STARD13: variants seen among roughly 807,000 people sequenced by gnomAD.
The protein encoded by STARD13 is StAR related lipid transfer domain containing 13, also known as stAR-related lipid transfer protein 13.
In STARD13, 62 loss-of-function variants were observed where a neutral mutation model predicts 106.4. The ratio of observed to expected loss-of-function variants is 0.58; its 90% CI spans 0.48 to 0.72. STARD13 has a LOEUF of 0.72. Ranked by LOEUF, STARD13 falls within the 30% of genes least tolerant of loss-of-function variation. The pLI, the probability that STARD13 is intolerant of heterozygous loss-of-function variation, is 0.00. For missense variants in STARD13, 1,387 were observed against 1,424.0 expected, an observed-to-expected ratio of 0.97 and a Z score of 0.42; for synonymous variants, 565 against 553.0, an observed-to-expected ratio of 1.02 and a Z score of -0.31.
At chr13:33,176,405 T>C (rs1298416011) in intron 1 of STARD13, among the ~76,000 whole-genome samples, 1 of 152,212 alleles carries the variant, frequency 6.6e-6, no homozygotes, top group African/African-American at 2.4e-5. Context: ...ATGAATGATT[T>C]TCTAAACATG....
intron 7 of STARD13, among the ~76,000 whole-genome samples, chr13:33,118,898 C>G (rs920621861): frequency 2.0e-5 from 3 of 152,078 alleles, no homozygotes; most frequent in African/African-American, 7.2e-5. Flanking sequence ...TACTTTTCTA[C>G]CTGTTTGTTT....
At chr13:33,553,106 G>A in the STARD13 span, among the ~76,000 whole-genome samples, 1 of 152,006 alleles carries the variant, frequency 6.6e-6, no homozygotes, top group Non-Finnish European at 1.5e-5. Context: ...TTTTGAAATG[G>A]ATAATTCAAT....
At chr13:33,287,083 A>G (rs1373331634), upstream of STARD13, among the ~76,000 whole-genome samples, 1 of 152,234 alleles carries the variant, frequency 6.6e-6, no homozygotes, top group East Asian at 1.9e-4. Flanking sequence ...GTATATGACC[A>G]AGTTGCTTCT....
At chr13:33,390,624 A>C in the STARD13 span, among the ~76,000 whole-genome samples, 1 of 152,168 alleles carries the variant, frequency 6.6e-6, no homozygotes, top group Non-Finnish European at 1.5e-5. Flanking sequence ...CAGGACACAC[A>C]CTTTGTGTCA....
the STARD13 span, among the ~76,000 whole-genome samples, chr13:33,470,088 CCT>C: frequency 1.3e-5 from 2 of 152,048 alleles, no homozygotes; most frequent in Non-Finnish European, 2.9e-5. Context: ...GTGATGTTCC[CCT>C]CTCTGTGTCC....
chr13:33,167,634 AAG>A lies in STARD13; in HGVS notation c.170-14_170-13del, dbSNP rs1211006287. ...TTTTGCCTCAATTTCTGAAAAACAC[AAG>A]AGAGATAAAATTGTGAGTCCCACAG... On this transcript the variant is annotated splice_polypyrimidine_tract_variant and intron_variant, in intron 1 of 13. Transcript: ENST00000336934. The A allele has an allele frequency of 5.6e-6, 9 of 1,613,874 alleles. No homozygotes were observed. In the East Asian group the frequency reaches 2.0e-4, roughly 36 times the overall value.
the STARD13 span, among the ~76,000 whole-genome samples, chr13:33,625,566 C>A: frequency 2.1e-5 from 3 of 139,674 alleles, no homozygotes; most frequent in East Asian, 6.0e-4. Flanking sequence ...GAGACTGTCT[C>A]AAAAATAAAT....
intron 1 of STARD13, among the ~76,000 whole-genome samples, chr13:33,232,536 G>A (rs1888974634): frequency 6.6e-6 from 1 of 151,950 alleles, no homozygotes; most frequent in African/African-American, 2.4e-5. Flanking sequence ...ATATATCCCA[G>A]GACAGGTGAA....
At chr13:33,536,089 T>C in the STARD13 span, among the ~76,000 whole-genome samples, 76 of 152,190 alleles carry the variant, frequency 5.0e-4, no homozygotes, top group Non-Finnish European at 7.8e-4. Context: ...CGTGTGTGCA[T>C]GTAAATAAAT....
At chr13:33,663,768 G>A in the STARD13 span, among the ~76,000 whole-genome samples, 18 of 152,324 alleles carry the variant, frequency 1.2e-4, 2 homozygotes, top group South Asian at 2.7e-3. Context: ...GAGGGAGCAA[G>A]TCAGAAAGGC....
chr13:33,552,414 A>G, the STARD13 span, among the ~76,000 whole-genome samples: 1 of 152,234 alleles, frequency 6.6e-6, no homozygotes, highest in African/African-American at 2.4e-5. Flanking sequence ...TAGATTTAAA[A>G]GGAATAAAAT....
the STARD13 span, among the ~76,000 whole-genome samples, chr13:33,632,949 T>C: frequency 3.0e-4 from 46 of 152,210 alleles, no homozygotes; most frequent in African/African-American, 1.1e-3. Flanking sequence ...ATAGCATTAA[T>C]GCTAGAAAAT....
chr13:33,564,008 A>G, the STARD13 span, among the ~76,000 whole-genome samples: 4 of 146,456 alleles, frequency 2.7e-5, 1 homozygote, highest in African/African-American at 1.0e-4. Context: ...CCTGGCCAAC[A>G]TGGTGAAACC....
chr13:33,320,679 A>C (rs962371190), intron 1 of STARD13, among the ~76,000 whole-genome samples: 7 of 152,202 alleles, frequency 4.6e-5, no homozygotes, highest in African/African-American at 1.7e-4. Flanking sequence ...AAATGAATAA[A>C]AAAAGATTGG....
chr13:33,311,064 A>C (rs1187471814), intron 1 of STARD13, among the ~76,000 whole-genome samples: 1 of 151,890 alleles, frequency 6.6e-6, no homozygotes, highest in Non-Finnish European at 1.5e-5. Flanking sequence ...TGGAAGGTCA[A>C]GGCAGGATCA....
Position 33,167,178 on chromosome 13 carries a change from GTTT to G in STARD13, c.241+370_241+372del, listed in dbSNP as rs567438125. Among the ~76,000 whole-genome samples the G allele has an allele frequency of 3.7e-3, 558 of 152,234 alleles. 3 individuals carry two copies. Among genetic ancestry groups the G allele is most frequent in the Middle Eastern group, 0.034 (10 of 294 alleles). On this transcript the variant is annotated intron_variant, in intron 2 of 13. Transcript: ENST00000336934. ...TAATTAATTTTGTGACTTCTAGGAA[GTTT>G]TTTAACAGTGAGTTCATTGTGATTT...
intron 1 of STARD13, among the ~76,000 whole-genome samples, chr13:33,265,193 TGGA>T (rs990642503): frequency 9.2e-5 from 14 of 152,128 alleles, no homozygotes; most frequent in African/African-American, 3.1e-4. Context: ...ACAATTCAGG[TGGA>T]GAAGTTAAAC....
chr13:33,541,610 C>T, the STARD13 span, among the ~76,000 whole-genome samples: 1 of 152,212 alleles, frequency 6.6e-6, no homozygotes, highest in African/African-American at 2.4e-5. Context: ...CGGCCCACTG[C>T]TGTTTCTTTC....
At chr13:33,501,753 T>C in the STARD13 span, among the ~76,000 whole-genome samples, 1 of 151,966 alleles carries the variant, frequency 6.6e-6, no homozygotes, top group Non-Finnish European at 1.5e-5. Flanking sequence ...ATCTCTGTTT[T>C]GGTACCATGC....
Sources: allele counts gnomAD v4.1 joint callset (sites outside exome capture counted in the v4.1 genomes callset), GRCh38; gene constraint gnomAD v4.1.1; transcripts MANE v1.5; gene names NCBI Gene and HGNC (gene_info 2026-07-23, HGNC 2026-07-21).